Variants in ARHGAP31 observed in about 807,000 individuals in gnomAD.
The protein encoded by ARHGAP31 is Rho GTPase activating protein 31.
ARHGAP31 carries 34 observed loss-of-function variants against 113.9 expected under a neutral mutation model. The ratio of observed to expected loss-of-function variants is 0.30; its 90% CI spans 0.23 to 0.40. ARHGAP31 has a LOEUF of 0.40. ARHGAP31 is among the 10% of genes least tolerant of loss of function. The probability of loss-of-function intolerance (pLI) is 1.00; values close to 1 mark genes in which losing one functional copy is unlikely to be tolerated. For missense variants in ARHGAP31, 1,548 were observed against 1,767.1 expected, an observed-to-expected ratio of 0.88 and a Z score of 2.22; for synonymous variants, 650 against 684.8, an observed-to-expected ratio of 0.95 and a Z score of 0.79.
At chr3:119,394,201 C>T (rs567231876) in intron 8 of ARHGAP31, among the ~76,000 whole-genome samples, 5 of 152,270 alleles carry the variant, frequency 3.3e-5, no homozygotes, top group South Asian at 2.1e-4. Flanking sequence ...TATCTTATTG[C>T]GTGTGAAGAG....
At position 119,407,368 on chromosome 3, in the gene ARHGAP31, A is replaced by AAAG. The variant is rs757051743; in HGVS notation, c.1646-2126_1646-2125insGAA. Among the ~76,000 whole-genome samples the AAAG allele has an allele frequency of 4.3e-3, 615 of 143,092 alleles. 5 individuals carry two copies. The highest frequency in any genetic ancestry group is 8.8e-3 in the Admixed American group (125 of 14,272). 93.9% of individuals were successfully genotyped at this position (143,092 alleles called of 152,430 possible). A position where few individuals can be genotyped will look rare whatever the true frequency, so the allele number is the denominator to read the frequency against. On this transcript the variant is annotated intron_variant, in intron 10 of 11. Transcript: ENST00000264245. ...TCTCGAAAAAAAAAAAGAAAGAAAG[A>AAAG]AAAAAAAAATAAAGAAAAAAAGAAA...
chr3:119,407,346 C>T (rs1307622936), intron 10 of ARHGAP31, among the ~76,000 whole-genome samples: 3 of 25,652 alleles, frequency 1.2e-4, no homozygotes, highest in Non-Finnish European at 2.1e-4. Context: ...GACTCCATCT[C>T]GAAAAAAAAA....
chr3:119,302,682 G>A (rs7614346), intron 1 of ARHGAP31, among the ~76,000 whole-genome samples: 9,498 of 152,288 alleles, frequency 0.062, 379 homozygotes, highest in African/African-American at 0.11. Context: ...GTGATGCCAA[G>A]ATTATAGAGA....
intron 6 of ARHGAP31, 128 bp from the exon 7 acceptor site, chr3:119,390,657 C>T: frequency 9.5e-7 from 1 of 1,052,418 alleles, no homozygotes; most frequent in Non-Finnish European, 1.4e-6. Flanking sequence ...CCACCATGCC[C>T]AAGAGAAGCC....
intron 1 of ARHGAP31, among the ~76,000 whole-genome samples, chr3:119,307,864 C>T (rs1338401870): frequency 7.4e-6 from 1 of 134,282 alleles, no homozygotes; most frequent in Non-Finnish European, 1.5e-5. Flanking sequence ...TATTTATTTG[C>T]CCCAAAACTG....
chr3:119,395,336 T>C (rs1207416745), intron 8 of ARHGAP31, among the ~76,000 whole-genome samples: 1 of 152,170 alleles, frequency 6.6e-6, no homozygotes, highest in African/African-American at 2.4e-5. Context: ...ACTTATGCAG[T>C]GAGGGAATTT....
In ARHGAP31 at chr3:119,400,542, T is replaced by G. The variant is rs148348402; in HGVS notation, c.1070-1280T>G. Among the ~76,000 whole-genome samples, 26 of 152,368 alleles carry G rather than the reference T, an allele frequency of 1.7e-4. No individual in the cohort carries two copies. The East Asian group carries it at 5.0e-3, about 29-fold the overall frequency. ...CGATACTTTCAGCATTTTCTTACTT[T>G]TATATTCATCTATTTGCTTTGGTTT... On this transcript the variant is annotated intron_variant, in intron 9 of 11. Coordinates refer to ENST00000264245, the MANE Select transcript of ARHGAP31 (RefSeq NM_020754.4).
intron 1 of ARHGAP31, among the ~76,000 whole-genome samples, chr3:119,308,215 AC>A (rs2107596145): frequency 6.6e-6 from 1 of 152,300 alleles, no homozygotes; most frequent in South Asian, 2.1e-4. Flanking sequence ...TGCAGACATG[AC>A]CATGCTGGCC....
rs1199737527 is a variant in ARHGAP31, at chr3:119,414,301, T to G, written c.2372T>G (p.Leu791Arg). 6.2e-7 allele frequency: 1 copy of G among 1,614,178 alleles called. No homozygotes were observed. Among genetic ancestry groups the G allele is most frequent in the East Asian group, 2.2e-5 (1 of 44,870 alleles). ...CCTGCTCCTCCCCCTCCAACTCCTCTGGAGGAGTCAACTCCAGTCCTGCTT... is the reference window on the plus strand; with the variant it reads ...CCTGCTCCTCCCCCTCCAACTCCTCGGGAGGAGTCAACTCCAGTCCTGCTT... ...LPPAPPPPTP[L>R]EESTPVLLSK... is the part of the protein sequence containing the mutation. Residue 791 changes from leucine to arginine, a missense_variant, in exon 12 of 12, where the codon CTG becomes CGG. Physicochemically the swap from Leu to Arg is moderately radical, Grantham distance 102. Coordinates refer to ENST00000264245, the MANE Select transcript of ARHGAP31 (RefSeq NM_020754.4).
chr3:119,383,111 C>T lies in ARHGAP31; in HGVS notation c.567C>T (p.Cys189=), dbSNP rs376381685. 1.2e-6 allele frequency: 2 copies of T among 1,614,188 alleles called. No individual in the cohort carries two copies. The highest frequency in any genetic ancestry group is 8.5e-7 in the Non-Finnish European group (1 of 1,180,028). Residue 189 remains cysteine, a synonymous_variant, in exon 6 of 12, where the codon TGC becomes TGT. Transcript: ENST00000264245. Reference sequence around the variant, plus strand: ...CTAAAGAAATTGAAGCCACTGGTTGCAATGGAGATGCAGCCTTCCTTGCAG... The same window carrying T: ...CTAAAGAAATTGAAGCCACTGGTTGTAATGGAGATGCAGCCTTCCTTGCAG... ...LRSKEIEATG[C]NGDAAFLAVR... is the part of the protein sequence containing the mutation.
chr3:119,332,103 C>T (rs1559969519), intron 1 of ARHGAP31, among the ~76,000 whole-genome samples: 2 of 152,102 alleles, frequency 1.3e-5, no homozygotes, highest in Non-Finnish European at 2.9e-5. Context: ...CTTTAGATTT[C>T]TCTTTTCCAG....
At chr3:119,373,461 T>G (rs915636725) in intron 3 of ARHGAP31, among the ~76,000 whole-genome samples, 5 of 152,048 alleles carry the variant, frequency 3.3e-5, no homozygotes, top group African/African-American at 9.7e-5. Flanking sequence ...GTTGGCTTTT[T>G]TGGTTGTTTG....
intron 1 of ARHGAP31, among the ~76,000 whole-genome samples, chr3:119,295,317 A>G (rs913484148): frequency 9.9e-5 from 15 of 151,832 alleles, no homozygotes; most frequent in African/African-American, 3.1e-4. Context: ...AGAGGTCCCA[A>G]TCCTAAACTT....
intron 1 of ARHGAP31, among the ~76,000 whole-genome samples, 177 bp downstream of exon 1, chr3:119,295,181 C>T (rs1382072520): frequency 6.6e-6 from 1 of 151,238 alleles, no homozygotes; most frequent in Non-Finnish European, 1.5e-5. Flanking sequence ...TTAAGGTGCA[C>T]AGCGCTGCTG....
intron 1 of ARHGAP31, among the ~76,000 whole-genome samples, chr3:119,349,725 C>T (rs916174242): frequency 6.6e-6 from 1 of 152,184 alleles, no homozygotes; most frequent in Admixed American, 6.5e-5. Context: ...TGAGCCGCTC[C>T]CAAATTTAAC....
At chr3:119,396,236 C>T (rs938467220) in intron 8 of ARHGAP31, among the ~76,000 whole-genome samples, 2 of 152,206 alleles carry the variant, frequency 1.3e-5, no homozygotes, top group Non-Finnish European at 1.5e-5. Flanking sequence ...ACCTCAGAAT[C>T]GCCCACAGAG....
At chr3:119,401,650 G>A (rs2080608408) in intron 9 of ARHGAP31, among the ~76,000 whole-genome samples, 172 bp from the exon 10 acceptor site, 1 of 152,154 alleles carries the variant, frequency 6.6e-6, no homozygotes, top group Admixed American at 6.5e-5. Context: ...ATATGAGGAA[G>A]TGCTTTCTCT....
At chr3:119,316,496 G>A (rs1008247660) in intron 1 of ARHGAP31, among the ~76,000 whole-genome samples, 11 of 152,152 alleles carry the variant, frequency 7.2e-5, no homozygotes, top group African/African-American at 1.7e-4. Context: ...TTTAAAGATA[G>A]GTAATCAGGT....
chr3:119,321,379 T>A (rs1181117653), intron 1 of ARHGAP31, among the ~76,000 whole-genome samples: 12 of 148,208 alleles, frequency 8.1e-5, no homozygotes, highest in African/African-American at 2.9e-4. Flanking sequence ...TTTTTAATAA[T>A]ACATGCTTAT....
Sources: gnomAD v4.1 joint callset for allele counts (sites outside exome capture counted in the v4.1 genomes callset) on GRCh38, gnomAD v4.1.1 for gene constraint, MANE v1.5 for transcripts, NCBI Gene and HGNC (gene_info 2026-07-23, HGNC 2026-07-21) for gene names.